The following DNAJC2 variants were observed in gnomAD, a reference collection of about 807,000 sequenced individuals.
The protein encoded by DNAJC2 is dnaJ homolog subfamily C member 2.
A neutral mutation model predicts 94.0 loss-of-function variants in DNAJC2; 32 were observed. The ratio of observed to expected loss-of-function variants is 0.34; its 90% CI spans 0.26 to 0.46. The LOEUF (loss-of-function observed/expected upper bound fraction) is 0.46. Among genes scored for constraint, DNAJC2 ranks in the 20% least tolerant of loss-of-function variants. The pLI is 1.00. For missense variants in DNAJC2, 550 were observed against 719.5 expected, an observed-to-expected ratio of 0.76 and a Z score of 2.69; for synonymous variants, 210 against 229.7, an observed-to-expected ratio of 0.91 and a Z score of 0.77.
chr7:103,338,766 C>T (rs990221635), intron 2 of DNAJC2, among the ~76,000 whole-genome samples: 7 of 151,204 alleles, frequency 4.6e-5, no homozygotes, highest in South Asian at 2.1e-4. Context: ...AAAAATTAGC[C>T]GGGCGTGGTG....
At chr7:103,320,954 T>A (rs1818372580) in intron 10 of DNAJC2, 1 of 154,866 alleles carries the variant, frequency 6.5e-6, no homozygotes, top group African/African-American at 2.4e-5. Flanking sequence ...TCCTAGCACT[T>A]TGGGAGTCCA....
intron 5 of DNAJC2, among the ~76,000 whole-genome samples, chr7:103,326,308 A>T (rs1274691186): frequency 1.3e-5 from 2 of 152,168 alleles, no homozygotes; most frequent in African/African-American, 4.8e-5. Context: ...ACTTCCCATA[A>T]ATTGTACAGA....
chr7:103,315,254 G>A (rs1817984351), intron 15 of DNAJC2, among the ~76,000 whole-genome samples: 1 of 143,894 alleles, frequency 6.9e-6, no homozygotes, highest in Admixed American at 6.7e-5. Context: ...AATTTTAGAG[G>A]AGTAGAAAGA....
At chr7:103,344,415 G>C in intron 1 of DNAJC2, 144 bp downstream of exon 1, 1 of 831,430 alleles carries the variant, frequency 1.2e-6, no homozygotes, top group South Asian at 1.5e-5. Flanking sequence ...AAAACACGGA[G>C]CAAAAAGGCA....
At position 103,312,382 on chromosome 7, in the gene DNAJC2, T is replaced by C; in HGVS notation, c.*187A>G. 1 of 1,535,690 alleles carries C rather than the reference T, an allele frequency of 6.5e-7. No homozygotes were observed. Among genetic ancestry groups the C allele is most frequent in the Middle Eastern group, 2.4e-4 (1 of 4,246 alleles). On this transcript the variant is annotated 3_prime_UTR_variant, in exon 17 of 17. Transcript: ENST00000379263. ...GAAATTTGAATTAAATACTGTATCA[T>C]ACTTTCAAAGGATAAAAAGACTACC...
chr7:103,316,140 T>C (rs1261054566), intron 13 of DNAJC2, 52 bp from the exon 14 acceptor site: 4 of 1,191,276 alleles, frequency 3.4e-6, no homozygotes, highest in East Asian at 2.4e-5. Context: ...AAAAACAAAA[T>C]GAAACGACAA....
chr7:103,318,932 T>C (rs6971734), intron 12 of DNAJC2, among the ~76,000 whole-genome samples: 34,977 of 152,082 alleles, frequency 0.23, 6,327 homozygotes, highest in African/African-American at 0.51. Flanking sequence ...ATAAACAAAA[T>C]GCAGACTGGG....
At chr7:103,322,202 T>C in intron 9 of DNAJC2, 121 bp from the exon 10 acceptor site, 1 of 750,298 alleles carries the variant, frequency 1.3e-6, no homozygotes, top group Non-Finnish European at 1.9e-6. Flanking sequence ...ATAAACTTAT[T>C]GAAAACTGAA....
intron 10 of DNAJC2, among the ~76,000 whole-genome samples, chr7:103,320,521 G>A (rs1040416216): frequency 1.3e-5 from 2 of 151,794 alleles, no homozygotes; most frequent in Non-Finnish European, 2.9e-5. Context: ...AGCACTTTGG[G>A]AGGCCGAGGC....
intron 1 of DNAJC2, among the ~76,000 whole-genome samples, chr7:103,342,258 A>T (rs1004754849): frequency 2.0e-5 from 3 of 152,194 alleles, no homozygotes; most frequent in African/African-American, 7.2e-5. Flanking sequence ...GAGGAACAGG[A>T]AGAAATGTTG....
At chr7:103,330,625 T>C (rs567711755) in intron 3 of DNAJC2, among the ~76,000 whole-genome samples, 5 of 152,090 alleles carry the variant, frequency 3.3e-5, no homozygotes, top group South Asian at 4.2e-4. Context: ...CTAATTTTTA[T>C]ATTTTTAGTA....
At chr7:103,332,715 G>A (rs1414360644) in intron 3 of DNAJC2, among the ~76,000 whole-genome samples, 2 of 151,622 alleles carry the variant, frequency 1.3e-5, no homozygotes, top group Non-Finnish European at 2.9e-5. Flanking sequence ...CTGCAGCCTT[G>A]ACCTCCTGGG....
chr7:103,326,707 C>A (rs1453408720), intron 4 of DNAJC2, 23 bp from the exon 5 acceptor site: 3 of 1,593,008 alleles, frequency 1.9e-6, no homozygotes, highest in Non-Finnish European at 2.6e-6. Flanking sequence ...TTGTTAAGAT[C>A]ACATCACCAT....
intron 6 of DNAJC2, 133 bp from the exon 7 acceptor site, chr7:103,323,796 C>G: frequency 4.3e-6 from 3 of 695,406 alleles, no homozygotes; most frequent in Non-Finnish European, 6.2e-6. Flanking sequence ...TCAAGTCTTT[C>G]TCCTTTTTTA....
intron 14 of DNAJC2, 30 bp from the exon 15 acceptor site, chr7:103,315,901 CA>C: frequency 6.4e-7 from 1 of 1,558,934 alleles, no homozygotes; most frequent in Non-Finnish European, 8.8e-7. Context: ...TAATACTTAA[CA>C]GATCATCATT....
In DNAJC2 at chr7:103,316,861, CA is replaced by C. The variant is rs764240363; in HGVS notation, c.1395del (p.Val466Ter). The C allele has an allele frequency of 6.2e-7, 1 of 1,613,934 alleles. No homozygotes were observed. The highest frequency in any genetic ancestry group is 8.5e-7 in the Non-Finnish European group (1 of 1,179,972). On this transcript the variant is annotated frameshift_variant, in exon 13 of 17. Coordinates refer to ENST00000379263, the MANE Select transcript of DNAJC2 (RefSeq NM_014377.3). LOFTEE classifies it high-confidence loss of function. ...TTTGTTCCAGCAGGGAACAGATTCACAGCTTTAATTAGTAATTGTAGATCAT... is the reference window on the plus strand; with the variant it reads ...TTTGTTCCAGCAGGGAACAGATTCACGCTTTAATTAGTAATTGTAGATCAT... ...SEDDLQLLIK[A>X]VNLFPAGTNS...
At chr7:103,333,178 T>C (rs1340070153) in intron 3 of DNAJC2, among the ~76,000 whole-genome samples, 1 of 151,126 alleles carries the variant, frequency 6.6e-6, no homozygotes, top group African/African-American at 2.5e-5. Flanking sequence ...TTGTTTATTC[T>C]TCTTATAAAA....
At chr7:103,327,381 G>C in intron 4 of DNAJC2, 1 of 1,193,002 alleles carries the variant, frequency 8.4e-7, no homozygotes, top group East Asian at 4.2e-5. Context: ...TGGGGATCCT[G>C]TTAAAATGCA....
Position 103,312,433 on chromosome 7 carries a change from G to C in DNAJC2, c.*136C>G, listed in dbSNP as rs1012477327. On this transcript the variant is annotated 3_prime_UTR_variant, in exon 17 of 17. Transcript: ENST00000379263. ...CCTCTGAAGGTTGTTTTGTATTAAT[G>C]GTCAGTCTTTGTTCTCTGAGAAATT... is the stretch of plus-strand genomic sequence containing the variant. The C allele has an allele frequency of 9.9e-6, 15 of 1,513,266 alleles. No homozygotes were observed. The highest frequency in any genetic ancestry group is 1.3e-5 in the Non-Finnish European group (15 of 1,140,222). The allele number at this position is 1,513,266 out of a possible 1,614,324, so 93.7% of individuals were successfully genotyped here.
Sources: gnomAD v4.1 joint callset for allele counts (sites outside exome capture counted in the v4.1 genomes callset) on GRCh38, gnomAD v4.1.1 for gene constraint, MANE v1.5 for transcripts, NCBI Gene and HGNC (gene_info 2026-07-23, HGNC 2026-07-21) for gene names.